The following NEK1 variants were observed in gnomAD, a reference collection of about 807,000 sequenced individuals.
NEK1 encodes serine/threonine-protein kinase Nek1.
Under a neutral mutation model 182.1 loss-of-function variants are expected in NEK1, and 137 were observed. The ratio of observed to expected loss-of-function variants is 0.75; its 90% CI spans 0.65 to 0.87. The LOEUF (loss-of-function observed/expected upper bound fraction) is 0.87, where lower values mean the gene tolerates loss of function less well. Ranked by LOEUF, NEK1 falls within the 40% of genes least tolerant of loss-of-function variation. The pLI is 0.00. For synonymous variants in NEK1, 513 were observed against 492.2 expected (o/e 1.04, Z -0.56); for missense variants, 1,391 against 1,494.4 (o/e 0.93, Z 1.14).
chr4:169,605,442 T>C (rs144105808), intron 2 of NEK1, among the ~76,000 whole-genome samples: 72 of 152,312 alleles, frequency 4.7e-4, no homozygotes, highest in African/African-American at 1.6e-3. Flanking sequence ...TCTCCTTTTT[T>C]GTAATGTCAG....
intron 12 of NEK1, among the ~76,000 whole-genome samples, chr4:169,574,523 C>T (rs757364720): frequency 6.6e-6 from 1 of 150,812 alleles, no homozygotes; most frequent in Non-Finnish European, 1.5e-5. Flanking sequence ...GGGAGAATGG[C>T]GTGAACCCGC....
At chr4:169,406,424 G>A (rs908132633) in intron 32 of NEK1, among the ~76,000 whole-genome samples, 172 bp downstream of exon 32, 1 of 148,210 alleles carries the variant, frequency 6.7e-6, no homozygotes, top group Non-Finnish European at 1.5e-5. Flanking sequence ...CTGTATTCCA[G>A]CTAGGTGACA....
rs1731744187 is a variant in NEK1, at chr4:169,401,819, G to T, written c.3416C>A (p.Ala1139Asp). The T allele has an allele frequency of 1.9e-6, 3 of 1,613,240 alleles. No homozygotes were observed. The highest frequency in any genetic ancestry group is 1.7e-6 in the Non-Finnish European group (2 of 1,179,544). The change falls in exon 33 of 36, where the codon GCC becomes GAC. Residue 1139 changes from alanine (A) to aspartate (D), a missense_variant. Physicochemically the swap from Ala to Asp is moderately radical, Grantham distance 126. Transcript: ENST00000507142. ...TTCCCTAAGTAACTGTTCCATCGAG[G>T]CCTGCAGCTCTTGTAAATCTGTGTC... ...ETDTDLQELQ[A>D]SMEQLLREQP...
intron 23 of NEK1, among the ~76,000 whole-genome samples, chr4:169,495,538 G>A (rs529576285): frequency 2.0e-5 from 3 of 152,144 alleles, no homozygotes; most frequent in Non-Finnish European, 2.9e-5. Flanking sequence ...CACCGTGCCC[G>A]GCCCATTTAA....
chr4:169,431,138 A>C (rs1052771520), intron 29 of NEK1, among the ~76,000 whole-genome samples: 2 of 152,164 alleles, frequency 1.3e-5, no homozygotes, highest in Non-Finnish European at 2.9e-5. Flanking sequence ...AATTCAGAAA[A>C]GCTGAAAACA....
At chr4:169,541,690 T>A (rs965796286) in intron 18 of NEK1, among the ~76,000 whole-genome samples, 1 of 152,180 alleles carries the variant, frequency 6.6e-6, no homozygotes, top group Non-Finnish European at 1.5e-5. Flanking sequence ...ATAATGCCAG[T>A]GACCACTAAA....
chr4:169,479,023 C>T (rs931580030), intron 24 of NEK1, among the ~76,000 whole-genome samples: 5 of 152,056 alleles, frequency 3.3e-5, no homozygotes, highest in South Asian at 4.1e-4. Flanking sequence ...ATGTGTTGGA[C>T]CTAATACCTA....
At chr4:169,412,927 A>AGAGGGAGGCAAGGAGAGAGGC (rs1473441642) in intron 31 of NEK1, among the ~76,000 whole-genome samples, 3 of 151,786 alleles carry the variant, frequency 2.0e-5, no homozygotes, top group African/African-American at 7.3e-5. Context: ...AGAGAGGGAA[A>AGAGGGAGGCAAGGAGAGAGGC]GAGGGAGGCA....
intron 19 of NEK1, among the ~76,000 whole-genome samples, chr4:169,524,341 G>A (rs886116957): frequency 3.6e-4 from 54 of 151,760 alleles, no homozygotes; most frequent in African/African-American, 1.2e-3. Context: ...GCGCATGCCT[G>A]TAATCCCAGC....
chr4:169,500,145 C>T (rs1752156409), intron 23 of NEK1, among the ~76,000 whole-genome samples: 1 of 152,222 alleles, frequency 6.6e-6, no homozygotes. Flanking sequence ...AGTTTGATCT[C>T]AGACTGCTGT....
chr4:169,577,048 A>G lies in NEK1; in HGVS notation c.900T>C (p.Ile300=). The G allele has an allele frequency of 6.2e-7, 1 of 1,613,732 alleles. No homozygotes were observed. Among genetic ancestry groups the G allele is most frequent in the Non-Finnish European group, 8.5e-7 (1 of 1,179,746 alleles). ...TAATTTTCTGAGCAGGCATAACAGA[A>G]ATCGAGTTTTGTCCTGAAGCTGGTC... ...AKRPASGQNS[I]SVMPAQKITK... Residue 300 remains isoleucine, a synonymous_variant, in exon 12 of 36, where the codon ATT becomes ATC. Coordinates refer to ENST00000507142, the MANE Select transcript of NEK1 (RefSeq NM_001199397.3).
intron 23 of NEK1, among the ~76,000 whole-genome samples, chr4:169,480,817 A>G (rs1747855752): frequency 6.6e-6 from 1 of 152,122 alleles, no homozygotes; most frequent in South Asian, 2.1e-4. Flanking sequence ...GGCTTCAATG[A>G]CTGTCCTGAC....
At chr4:169,414,991 T>G (rs113310123) in intron 31 of NEK1, among the ~76,000 whole-genome samples, 1,925 of 152,328 alleles carry the variant, frequency 0.013, 36 homozygotes, top group African/African-American at 0.044. Context: ...TTATAGGTTA[T>G]CAATTGTATC....
At chr4:169,587,292 T>G (rs1767692190) in intron 9 of NEK1, among the ~76,000 whole-genome samples, 1 of 151,870 alleles carries the variant, frequency 6.6e-6, no homozygotes, top group South Asian at 2.1e-4. Flanking sequence ...AATTTAACAT[T>G]AAGAAAATAG....
At chr4:169,504,631 A>C (rs1284913381) in intron 23 of NEK1, among the ~76,000 whole-genome samples, 2 of 152,240 alleles carry the variant, frequency 1.3e-5, no homozygotes, top group Admixed American at 1.3e-4. Flanking sequence ...TAAGCCCGGC[A>C]CAGAAAGACA....
Position 169,453,804 on chromosome 4 carries a change from C to T in NEK1, c.2587+9439G>A, listed in dbSNP as rs558325962. On this transcript the variant is annotated intron_variant, in intron 27 of 35. Coordinates refer to ENST00000507142, the MANE Select transcript of NEK1 (RefSeq NM_001199397.3). ...ATAAATACGTAGGTAAATCTCTGTTCGGGGCTCTCAGCTCTGAAAGCTGTG... is the reference window on the plus strand; with the variant it reads ...ATAAATACGTAGGTAAATCTCTGTTTGGGGCTCTCAGCTCTGAAAGCTGTG... 1.2e-4 allele frequency among the ~76,000 whole-genome samples: 18 copies of T among 152,240 alleles called. No individual in the cohort carries two copies. The East Asian group carries it at 1.4e-3, about 11-fold the overall frequency.
chr4:169,458,060 A>G (rs879749437), intron 27 of NEK1, among the ~76,000 whole-genome samples: 1 of 152,046 alleles, frequency 6.6e-6, no homozygotes, highest in Admixed American at 6.6e-5. Flanking sequence ...TAATAACTCT[A>G]AAGTTTATAT....
intron 12 of NEK1, among the ~76,000 whole-genome samples, chr4:169,562,631 T>C (rs1480901970): frequency 6.6e-6 from 1 of 152,136 alleles, no homozygotes; most frequent in Non-Finnish European, 1.5e-5. Flanking sequence ...ACTGTTAATA[T>C]TTTCATTAGT....
intron 18 of NEK1, chr4:169,554,905 TA>T (rs989855644): frequency 2.6e-5 from 4 of 152,184 alleles, no homozygotes; most frequent in African/African-American, 9.7e-5. Flanking sequence ...GAGGAAGGGG[TA>T]CATAGGAACT....
Sources: gnomAD v4.1 joint callset for allele counts (sites outside exome capture counted in the v4.1 genomes callset) on GRCh38, gnomAD v4.1.1 for gene constraint, MANE v1.5 for transcripts, NCBI Gene and HGNC (gene_info 2026-07-23, HGNC 2026-07-21) for gene names.